Variants in UBR2 observed in about 807,000 individuals in gnomAD.
UBR2 encodes E3 ubiquitin-protein ligase UBR2.
Under a neutral mutation model 247.9 loss-of-function variants are expected in UBR2, and 92 were observed. The observed-to-expected ratio is 0.37, with a 90% CI of 0.31 to 0.44. The LOEUF is 0.44. Ranked by LOEUF, UBR2 falls within the 20% of genes least tolerant of loss-of-function variation. UBR2 has a pLI of 1.00. For synonymous variants in UBR2, 672 were observed against 693.5 expected (o/e 0.97, Z 0.49); for missense variants, 1,613 against 2,112.6 (o/e 0.76, Z 4.64).
At chr6:42,623,330 C>A (rs898359103) in intron 11 of UBR2, among the ~76,000 whole-genome samples, 5 of 151,852 alleles carry the variant, frequency 3.3e-5, no homozygotes, top group African/African-American at 1.2e-4. Flanking sequence ...AGAGAGGGAG[C>A]CTTGTGATGT....
chr6:42,646,045 G>A (rs1322207290), intron 21 of UBR2, among the ~76,000 whole-genome samples: 2 of 152,018 alleles, frequency 1.3e-5, no homozygotes, highest in South Asian at 2.1e-4. Context: ...TCTTAATGAC[G>A]AGCCCTTGTT....
At chr6:42,614,261 T>C (rs917122074) in intron 8 of UBR2, among the ~76,000 whole-genome samples, 2 of 137,432 alleles carry the variant, frequency 1.5e-5, no homozygotes, top group Admixed American at 7.5e-5. Flanking sequence ...CACATATATA[T>C]ACACACACAC....
At chr6:42,615,320 A>G (rs964067311) in intron 9 of UBR2, 142 bp downstream of exon 9, 5 of 528,524 alleles carry the variant, frequency 9.5e-6, no homozygotes, top group African/African-American at 7.8e-5. Context: ...TCTTTGAAAA[A>G]TATAGATTTG....
At chr6:42,626,549 G>T (rs77469383) in intron 11 of UBR2, among the ~76,000 whole-genome samples, 3,547 of 152,168 alleles carry the variant, frequency 0.023, 121 homozygotes, top group African/African-American at 0.08. Context: ...TGGCATATTC[G>T]AGTTCTCTTC....
At chr6:42,681,205 G>A (rs1349807520) in intron 42 of UBR2, among the ~76,000 whole-genome samples, 2 of 148,004 alleles carry the variant, frequency 1.4e-5, no homozygotes, top group South Asian at 2.1e-4. Context: ...TGGGTAACAT[G>A]GCGAAACCCC....
chr6:42,676,084 T>C lies in UBR2; in HGVS notation c.4280T>C (p.Leu1427Ser). ...LVGLVLAFPA[L>S]QCQDFSGISL... ...GGCTTGGTGCTTGCATTTCCTGCGT[T>C]GCAGTGTCAGGATTTTTCAGGGATC... Residue 1427 changes from leucine to serine, a missense_variant, in exon 39 of 47, where the codon TTG (leucine) becomes TCG (serine). Around this residue, in one of 3 missense-constraint regions of UBR2, gnomAD observed 1,524 missense variants for 1,967.3 expected, o/e 0.77. Coordinates refer to ENST00000372901, the MANE Select transcript of UBR2 (RefSeq NM_001363705.2). The C allele has an allele frequency of 6.2e-7, 1 of 1,613,370 alleles. No individual in the cohort carries two copies. The highest frequency in any genetic ancestry group is 8.5e-7 in the Non-Finnish European group (1 of 1,179,864).
intron 43 of UBR2, among the ~76,000 whole-genome samples, 188 bp from the exon 44 acceptor site, chr6:42,684,606 C>CA (rs761193366): frequency 6.9e-4 from 100 of 145,608 alleles, no homozygotes; most frequent in African/African-American, 1.2e-3. Context: ...AAAACAAAAA[C>CA]AAAAAAAAAA....
Position 42,658,041 on chromosome 6 carries a change from A to G in UBR2, c.2890A>G (p.Lys964Glu), listed in dbSNP as rs780944898. ...QKISKPGEAP[K>E]NSPSILAMLE... The stretch of plus-strand genomic sequence containing the variant: ...TGCCGTAGAACCTGGTGAAGCGCCA[A>G]AAAATTCTCCTAGCATACTAGCTAT... Residue 964 changes from lysine (K) to glutamate (E), a missense_variant, in exon 27 of 47, where the codon AAA (lysine) becomes GAA (glutamate). By Grantham distance (56) the Lys-to-Glu change is moderately conservative (BLOSUM62 1). Around this residue, in one of 3 missense-constraint regions of UBR2, gnomAD observed 1,524 missense variants for 1,967.3 expected, o/e 0.77. Coordinates refer to ENST00000372901, the MANE Select transcript of UBR2 (RefSeq NM_001363705.2). The G allele has an allele frequency of 9.9e-6, 16 of 1,613,886 alleles. No individual in the cohort carries two copies. The highest frequency in any genetic ancestry group is 1.7e-5 in the Admixed American group (1 of 59,978).
chr6:42,638,718 C>G (rs1374708446), intron 15 of UBR2, among the ~76,000 whole-genome samples: 1 of 151,698 alleles, frequency 6.6e-6, no homozygotes, highest in East Asian at 1.9e-4. Context: ...AAGTAGCACG[C>G]AGGCGCAGCG....
intron 41 of UBR2, among the ~76,000 whole-genome samples, chr6:42,679,454 T>C (rs1390601965): frequency 2.0e-5 from 3 of 152,276 alleles, no homozygotes; most frequent in Admixed American, 6.5e-5. Context: ...TGCAGTAGAT[T>C]GTGCAGGCAC....
rs1794467153 is a variant in UBR2 at position 42,615,255 on chromosome 6, G to A, written c.1093+77G>A. The A allele has an allele frequency of 3.6e-6, 4 of 1,126,500 alleles. No individual in the cohort carries two copies. In the South Asian group the frequency reaches 5.2e-5, roughly 15 times the overall value. 69.8% of individuals were successfully genotyped at this position (1,126,500 alleles called of 1,614,324 possible). A position where few individuals can be genotyped will look rare whatever the true frequency, so the allele number is the denominator to read the frequency against. Reference sequence around the variant, plus strand: ...GGATGTGAAAGGTTTTTATCATTTGGGAAGATATTTAATACATATATTTGT... The same window carrying A: ...GGATGTGAAAGGTTTTTATCATTTGAGAAGATATTTAATACATATATTTGT... On this transcript the variant is annotated intron_variant, in intron 9 of 46. Coordinates refer to ENST00000372901, the MANE Select transcript of UBR2 (RefSeq NM_001363705.2).
intron 7 of UBR2, among the ~76,000 whole-genome samples, chr6:42,610,839 G>T (rs1299705295): frequency 1.3e-5 from 2 of 150,582 alleles, no homozygotes; most frequent in South Asian, 4.2e-4. Context: ...AGTTTTATAT[G>T]TATTTTACCT....
Position 42,658,229 on chromosome 6 carries a change from T to G in UBR2, c.2983-11T>G. ...ATTTCATACAGGATACTGATACTTTTTTTTTTGTAGACTTTTAATGCTGTT... is the reference window on the plus strand; with the variant it reads ...ATTTCATACAGGATACTGATACTTTGTTTTTTGTAGACTTTTAATGCTGTT... On this transcript the variant is annotated splice_polypyrimidine_tract_variant and intron_variant, in intron 27 of 46. Transcript: ENST00000372901. 1 of 1,612,900 alleles carries G rather than the reference T, an allele frequency of 6.2e-7. No individual in the cohort carries two copies. Among genetic ancestry groups the G allele is most frequent in the East Asian group, 2.2e-5 (1 of 44,860 alleles).
At chr6:42,658,884 G>C (rs1426780223) in intron 29 of UBR2, 60 bp downstream of exon 29, 1 of 1,463,488 alleles carries the variant, frequency 6.8e-7, no homozygotes, top group Non-Finnish European at 9.0e-7. Context: ...TAGGGGCAGT[G>C]TTGCGTTTTC....
At chr6:42,630,031 GA>G (rs1350580617) in intron 11 of UBR2, among the ~76,000 whole-genome samples, 2 of 151,910 alleles carry the variant, frequency 1.3e-5, no homozygotes, top group Non-Finnish European at 2.9e-5. Context: ...CAAGTAGCTG[GA>G]ACTATAGACA....
At chr6:42,603,797 CA>C in intron 5 of UBR2, 79 bp downstream of exon 5, 9 of 1,381,850 alleles carry the variant, frequency 6.5e-6, no homozygotes, top group Non-Finnish European at 8.7e-6. Flanking sequence ...AGGGCATAAT[CA>C]TTTTTTAATA....
At chr6:42,615,975 T>C in intron 9 of UBR2, 27 bp from the exon 10 acceptor site, 1 of 1,488,720 alleles carries the variant, frequency 6.7e-7, no homozygotes, top group Non-Finnish European at 9.0e-7. Context: ...CGTGTCCTTA[T>C]CTTATACCGT....
intron 2 of UBR2, among the ~76,000 whole-genome samples, chr6:42,578,756 T>C (rs1184773138): frequency 6.6e-6 from 1 of 152,142 alleles, no homozygotes; most frequent in Non-Finnish European, 1.5e-5. Flanking sequence ...GGGGTTGTTC[T>C]TTCAGTTTCT....
chr6:42,678,548 A>G lies in UBR2; in HGVS notation c.4488A>G (p.Lys1496=), dbSNP rs935180486. 5.0e-6 allele frequency: 8 copies of G among 1,609,398 alleles called. No individual in the cohort carries two copies. The highest frequency in any genetic ancestry group is 1.3e-5 in the African/African-American group (1 of 74,592). Residue 1496 remains lysine (K), a synonymous_variant, in exon 41 of 47, where the codon AAA becomes AAG. Transcript: ENST00000372901. The stretch of plus-strand genomic sequence containing the variant: ...TTTTTTTCTTTTTTAGTGCCTTGAA[A>G]GAAATACCATCCGGCTGGCATCTGT... The part of the protein sequence containing the change: ...TLHQYTGSAL[K]EIPSGWHLWR...
Sources: allele counts gnomAD v4.1 joint callset (sites outside exome capture counted in the v4.1 genomes callset), GRCh38; gene constraint gnomAD v4.1.1; regional missense constraint gnomAD v4.1.1; transcripts MANE v1.5; gene names NCBI Gene and HGNC (gene_info 2026-07-23, HGNC 2026-07-21).